DOC2B: variants seen among roughly 807,000 people sequenced by gnomAD.
DOC2B encodes double C2 domain beta.
DOC2B carries 21 observed loss-of-function variants against 28.9 expected under a neutral mutation model. The ratio of observed to expected loss-of-function variants is 0.73; its 90% CI spans 0.52 to 1.05. DOC2B has a LOEUF of 1.05. DOC2B is among the 50% of genes least tolerant of loss of function. DOC2B has a pLI of 0.00. For synonymous variants in DOC2B, 194 were observed against 178.1 expected (o/e 1.09, Z -0.71); for missense variants, 384 against 421.1 (o/e 0.91, Z 0.77).
chr17:162,090 T>C lies in DOC2B; in HGVS notation c.629A>G (p.Lys210Arg). ...YGITDEDMIR[K>R]TLRISVCDED... ...TGGGACCCTCACCCACCGCAGGGTC[T>C]TGCGGATCATGTCTTCATCTGTGAT... Residue 210 changes from lysine (K) to arginine (R), a missense_variant, in exon 4 of 9, where the codon AAG (lysine) becomes AGG (arginine). Coordinates refer to ENST00000613549, the MANE Select transcript of DOC2B (RefSeq NM_003585.5). The C allele has an allele frequency of 6.4e-7, 1 of 1,550,846 alleles. No individual in the cohort carries two copies. Among genetic ancestry groups the C allele is most frequent in the African/African-American group, 1.4e-5 (1 of 73,164 alleles).
chr17:174,918 A>C (rs767894097), intron 1 of DOC2B, among the ~76,000 whole-genome samples: 1 of 152,200 alleles, frequency 6.6e-6, no homozygotes, highest in Non-Finnish European at 1.5e-5. Context: ...CAGGAGTTCG[A>C]GACCAGCCTG....
At chr17:178,934 T>G (rs935411387) in intron 1 of DOC2B, among the ~76,000 whole-genome samples, 3 of 152,140 alleles carry the variant, frequency 2.0e-5, no homozygotes, top group African/African-American at 7.2e-5. Context: ...GGGTACTGGG[T>G]GGAAGGCAGT....
rs1239502004 is a variant in DOC2B, at chr17:146,590, C to T, written c.*851G>A. 2 of 152,254 alleles carry T rather than the reference C, an allele frequency of 1.3e-5. No individual in the cohort carries two copies. The highest frequency in any genetic ancestry group is 2.4e-5 in the African/African-American group (1 of 41,434). The allele number at this position is 152,254 out of a possible 1,614,324, so 9.4% of individuals were successfully genotyped here. ...CCCTGGGTCCACAGCACCCCGGCCC[C>T]ATTGGCTTTCTCTCTCCAGGCGTTT... On this transcript the variant is annotated 3_prime_UTR_variant, in exon 9 of 9. Transcript: ENST00000613549.
rs911514169 is a variant in DOC2B at position 161,049 on chromosome 17, C to G, written c.765+366G>C. 1.6e-4 allele frequency among the ~76,000 whole-genome samples: 24 copies of G among 152,126 alleles called. 1 individual carries two copies. Among genetic ancestry groups the G allele is most frequent in the Non-Finnish European group, 2.9e-4 (20 of 68,024 alleles). On this transcript the variant is annotated intron_variant, in intron 5 of 8. Transcript: ENST00000613549. ...GACGTCCTATCTGCTGCCTGCACATCTGGTTCAGAATCAAGCCCTCCTACC... is the reference window on the plus strand; with the variant it reads ...GACGTCCTATCTGCTGCCTGCACATGTGGTTCAGAATCAAGCCCTCCTACC...
At chr17:151,660 T>C (rs1375878358) in intron 6 of DOC2B, among the ~76,000 whole-genome samples, 1 of 152,172 alleles carries the variant, frequency 6.6e-6, no homozygotes, top group Non-Finnish European at 1.5e-5. Context: ...TATTGGTATA[T>C]TGTGTCTGCT....
intron 2 of DOC2B, 59 bp from the exon 3 acceptor site, chr17:164,263 C>A: frequency 3.0e-6 from 4 of 1,316,822 alleles, no homozygotes; most frequent in South Asian, 1.3e-5. Context: ...ACTGACAGGG[C>A]CTGCAGATGC....
chr17:172,604 G>C lies in DOC2B; in HGVS notation c.386C>G (p.Thr129Arg). Reference protein sequence around the residue: ...YESDDCTALGTLDFSLLYDQE... With the variant: ...YESDDCTALGRLDFSLLYDQE... ...GTCATACAGCAGGCTGAAGTCCAGC[G>C]TGCCCAGGGCAGCTGCGGACAGAGG... Residue 129 changes from threonine to arginine, a missense_variant, in exon 2 of 9, where the codon ACG (threonine) becomes AGG (arginine). Thr to Arg is a moderately conservative substitution (Grantham distance 71). Transcript: ENST00000613549. 1 of 1,550,706 alleles carries C rather than the reference G, an allele frequency of 6.4e-7. No individual in the cohort carries two copies. Among genetic ancestry groups the C allele is most frequent in the Non-Finnish European group, 8.7e-7 (1 of 1,146,430 alleles).
chr17:154,185 C>T (rs2040105690), intron 6 of DOC2B, among the ~76,000 whole-genome samples: 1 of 150,796 alleles, frequency 6.6e-6, no homozygotes, highest in South Asian at 2.1e-4. Flanking sequence ...ATTCCACGCA[C>T]CTGCTACACT....
At chr17:148,899 A>C (rs2040043703) in intron 7 of DOC2B, among the ~76,000 whole-genome samples, 4 of 143,340 alleles carry the variant, frequency 2.8e-5, no homozygotes, top group Non-Finnish European at 4.6e-5. Flanking sequence ...TCCCCTCAAC[A>C]CTTCCCTCCC....
chr17:172,499 C>A lies in DOC2B; in HGVS notation c.453+38G>T, dbSNP rs772740733. On this transcript the variant is annotated intron_variant, in intron 2 of 8. Coordinates refer to ENST00000613549, the MANE Select transcript of DOC2B (RefSeq NM_003585.5). ...CTGACCTAGGCCCTCTTGAGGACCC[C>A]GGGGCAGGGAATTTGGGGGCAGGCT... 94 of 1,535,488 alleles carry A rather than the reference C, an allele frequency of 6.1e-5. 1 individual carries two copies. The African/African-American group carries it at 1.2e-3, about 20-fold the overall frequency.
At chr17:149,213 C>T in intron 6 of DOC2B, 21 bp from the exon 7 acceptor site, 1 of 399,708 alleles carries the variant, frequency 2.5e-6, no homozygotes, top group Non-Finnish European at 4.4e-6. Context: ...ATCCAACGGA[C>T]AGGCAGAGGA....
At position 156,393 on chromosome 17, in the gene DOC2B, G is replaced by T; in HGVS notation, c.766-16C>A. The T allele has an allele frequency of 6.4e-7, 1 of 1,550,806 alleles. No homozygotes were observed. ...TCTTGTCCACCTGTTGGACGGGACG[G>T]TCACTCAGTCCTCACCTGCTCCCAC... On this transcript the variant is annotated splice_polypyrimidine_tract_variant and intron_variant, in intron 5 of 8. Transcript: ENST00000613549.
chr17:164,437 A>G (rs1440875237), intron 2 of DOC2B, among the ~76,000 whole-genome samples: 1 of 152,100 alleles, frequency 6.6e-6, no homozygotes, highest in Non-Finnish European at 1.5e-5. Context: ...GGCCTCTGTC[A>G]GGACAGACTT....
intron 1 of DOC2B, among the ~76,000 whole-genome samples, chr17:180,851 G>A (rs1169374059): frequency 6.6e-6 from 1 of 151,056 alleles, no homozygotes; most frequent in Non-Finnish European, 1.5e-5. Flanking sequence ...ACCCGGCCCC[G>A]GAAATGGGAC....
intron 1 of DOC2B, among the ~76,000 whole-genome samples, chr17:180,671 G>T (rs566937847): frequency 1.7e-4 from 26 of 152,046 alleles, no homozygotes; most frequent in African/African-American, 4.3e-4. Context: ...ACCCTCGGCC[G>T]CGAGGCCCTC....
At chr17:178,272 C>T (rs998072714) in intron 1 of DOC2B, among the ~76,000 whole-genome samples, 58 of 152,192 alleles carry the variant, frequency 3.8e-4, no homozygotes, top group Non-Finnish European at 5.9e-5. Flanking sequence ...CGCACAGCCA[C>T]GAGCAAAGAT....
chr17:164,528 C>T (rs1306632078), intron 2 of DOC2B, among the ~76,000 whole-genome samples: 2 of 152,136 alleles, frequency 1.3e-5, no homozygotes, highest in Non-Finnish European at 2.9e-5. Context: ...CAGGCCCTGC[C>T]ATCATCCTGA....
chr17:164,768 C>T (rs374212090), intron 2 of DOC2B, among the ~76,000 whole-genome samples: 6 of 152,324 alleles, frequency 3.9e-5, no homozygotes, highest in South Asian at 2.1e-4. Flanking sequence ...CCCAGCCACG[C>T]GTGCACAGCC....
At chr17:179,124 G>C (rs1353905018) in intron 1 of DOC2B, among the ~76,000 whole-genome samples, 2 of 152,228 alleles carry the variant, frequency 1.3e-5, no homozygotes, top group East Asian at 3.9e-4. Context: ...TAGCTCCTCT[G>C]AGCCCGTCTT....
Sources: allele counts gnomAD v4.1 joint callset (sites outside exome capture counted in the v4.1 genomes callset), GRCh38; gene constraint gnomAD v4.1.1; transcripts MANE v1.5; gene names NCBI Gene and HGNC (gene_info 2026-07-23, HGNC 2026-07-21).